Variants in CAMTA1 observed in about 807,000 individuals in gnomAD.
CAMTA1 encodes calmodulin-binding transcription activator 1.
Under a neutral mutation model 170.9 loss-of-function variants are expected in CAMTA1, and 27 were observed. The observed-to-expected ratio is 0.16, with a 90% confidence interval of 0.12 to 0.22. The LOEUF (loss-of-function observed/expected upper bound fraction) is 0.22, where lower values mean the gene tolerates loss of function less well. Among genes scored for constraint, CAMTA1 ranks in the 10% least tolerant of loss-of-function variants. The probability of loss-of-function intolerance (pLI) is 1.00; values close to 1 mark genes in which losing one functional copy is unlikely to be tolerated. For synonymous variants in CAMTA1, 833 were observed against 891.5 expected, an observed-to-expected ratio of 0.93 and a Z score of 1.17; for missense variants, 1,619 against 2,217.2, an observed-to-expected ratio of 0.73 and a Z score of 5.42.
intron 5 of CAMTA1, among the ~76,000 whole-genome samples, chr1:7,442,274 C>T (rs2092562669): frequency 6.6e-6 from 1 of 152,168 alleles, no homozygotes; most frequent in Admixed American, 6.5e-5. Context: ...TAAGAGATGG[C>T]AGATACAGGA....
At chr1:7,510,141 G>A (rs551942514) in intron 6 of CAMTA1, among the ~76,000 whole-genome samples, 2 of 133,974 alleles carry the variant, frequency 1.5e-5, no homozygotes, top group African/African-American at 2.6e-5. Flanking sequence ...TTGGTACGAC[G>A]GCACTCGAGA....
At chr1:7,730,677 C>T (rs2096725065) in intron 11 of CAMTA1, among the ~76,000 whole-genome samples, 1 of 152,106 alleles carries the variant, frequency 6.6e-6, no homozygotes, top group Admixed American at 6.6e-5. Flanking sequence ...GGGCAGATCA[C>T]TTGAGGTCAG....
In CAMTA1 at chr1:7,642,512, A is replaced by G. The variant is rs1025587998; in HGVS notation, c.664+1959A>G. ...GCCTGCCTGCCTTCGTACTCAGTAC[A>G]TAGGGGGCACCTCACTATGCAGGGC... On this transcript the variant is annotated intron_variant, in intron 7 of 22. Transcript: ENST00000303635. The surrounding 1 kb of genome is among the most constrained non-coding windows in gnomAD (Gnocchi z 6.3). 2.6e-5 allele frequency among the ~76,000 whole-genome samples: 4 copies of G among 152,164 alleles called. No individual in the cohort carries two copies. The highest frequency in any genetic ancestry group is 9.7e-5 in the African/African-American group (4 of 41,446).
intron 4 of CAMTA1, among the ~76,000 whole-genome samples, chr1:7,189,675 A>G (rs2148938746): frequency 6.6e-6 from 1 of 152,374 alleles, no homozygotes; most frequent in East Asian, 1.9e-4. Flanking sequence ...ACACATCTGC[A>G]CTGCTGGTGG....
intron 4 of CAMTA1, among the ~76,000 whole-genome samples, chr1:7,211,439 T>C (rs1658737861): frequency 6.6e-6 from 1 of 152,238 alleles, no homozygotes; most frequent in Non-Finnish European, 1.5e-5. Context: ...CTGTTCTGAT[T>C]TTATTCTCAC....
chr1:6,913,142 G>C (rs899602634), intron 3 of CAMTA1, among the ~76,000 whole-genome samples: 1 of 152,142 alleles, frequency 6.6e-6, no homozygotes, highest in African/African-American at 2.4e-5. Context: ...AACACTTCTG[G>C]GGACAAAAGG....
At chr1:7,555,121 A>C (rs2094858476) in intron 6 of CAMTA1, among the ~76,000 whole-genome samples, 1 of 152,046 alleles carries the variant, frequency 6.6e-6, no homozygotes. Flanking sequence ...GCCCCTTCAA[A>C]GCCTGCAGCG....
intron 5 of CAMTA1, among the ~76,000 whole-genome samples, chr1:7,412,211 A>G (rs1386942515): frequency 1.3e-5 from 2 of 152,196 alleles, no homozygotes; most frequent in East Asian, 1.9e-4. Context: ...TAGTGCTGCA[A>G]TAAACATACG....
intron 6 of CAMTA1, among the ~76,000 whole-genome samples, chr1:7,510,116 G>T (rs1174763263): frequency 1.7e-5 from 2 of 116,206 alleles, no homozygotes; most frequent in African/African-American, 5.6e-5. Context: ...TTCACATCAG[G>T]AGGAGATTCC....
chr1:7,572,952 C>T (rs2095142505), intron 6 of CAMTA1, among the ~76,000 whole-genome samples: 1 of 152,210 alleles, frequency 6.6e-6, no homozygotes, highest in African/African-American at 2.4e-5. Flanking sequence ...CCAGCCCAGC[C>T]CCAGCTCTTC....
chr1:6,987,017 G>T (rs1195779303), intron 3 of CAMTA1, among the ~76,000 whole-genome samples: 1 of 151,888 alleles, frequency 6.6e-6, no homozygotes, highest in African/African-American at 2.4e-5. Flanking sequence ...CACTTCCCAT[G>T]CTCATTTGTG....
At chr1:7,728,221 C>T (rs993491353) in intron 11 of CAMTA1, among the ~76,000 whole-genome samples, 11 of 152,214 alleles carry the variant, frequency 7.2e-5, no homozygotes, top group South Asian at 2.1e-4. Context: ...GACCGGGTGA[C>T]GCCGTGGGCA....
At chr1:7,197,277 G>C (rs1444681814) in intron 4 of CAMTA1, among the ~76,000 whole-genome samples, 1 of 152,190 alleles carries the variant, frequency 6.6e-6, no homozygotes, top group Non-Finnish European at 1.5e-5. Flanking sequence ...CATTGCTTCA[G>C]GGAGGTGGAG....
chr1:7,387,085 G>C (rs1332617745), intron 5 of CAMTA1, among the ~76,000 whole-genome samples: 1 of 152,018 alleles, frequency 6.6e-6, no homozygotes. Flanking sequence ...CTCTCTTCCT[G>C]GGTCTGTCTC....
intron 3 of CAMTA1, chr1:6,871,945 T>A (rs1285742451): frequency 3.0e-6 from 4 of 1,332,556 alleles, no homozygotes; most frequent in Non-Finnish European, 3.8e-6. Context: ...CAAATAGAGA[T>A]ACCCCTTTGA....
At chr1:6,898,047 G>C (rs1197031095) in intron 3 of CAMTA1, among the ~76,000 whole-genome samples, 2 of 152,158 alleles carry the variant, frequency 1.3e-5, no homozygotes, top group African/African-American at 4.8e-5. Context: ...TTTACCCTAC[G>C]AAAGTTGAGA....
chr1:7,652,064 C>G (rs2095851691), intron 7 of CAMTA1, among the ~76,000 whole-genome samples: 1 of 152,116 alleles, frequency 6.6e-6, no homozygotes, highest in Admixed American at 6.5e-5. Context: ...CCACCATACC[C>G]CAAATGAGGA....
At chr1:7,686,137 C>T (rs2096255705) in intron 11 of CAMTA1, among the ~76,000 whole-genome samples, 1 of 152,210 alleles carries the variant, frequency 6.6e-6, no homozygotes, top group Non-Finnish European at 1.5e-5. Context: ...TCGGCATCTG[C>T]TGGGTGCCAG....
At chr1:6,978,229 C>T (rs1008313262) in intron 3 of CAMTA1, among the ~76,000 whole-genome samples, 5 of 152,106 alleles carry the variant, frequency 3.3e-5, no homozygotes, top group East Asian at 1.9e-4. Context: ...AAGTATAATT[C>T]GATTGTTTTA....
Sources: allele counts gnomAD v4.1 joint callset (sites outside exome capture counted in the v4.1 genomes callset), GRCh38; gene constraint gnomAD v4.1.1; non-coding constraint Gnocchi (gnomAD v3.1); transcripts MANE v1.5; gene names NCBI Gene and HGNC (gene_info 2026-07-23, HGNC 2026-07-21).